Variants in NYAP2 observed in about 807,000 individuals in gnomAD.
NYAP2 encodes neuronal tyrosine-phosphorylated phosphoinositide-3-kinase adaptor 2.
A neutral mutation model predicts 50.4 loss-of-function variants in NYAP2; 23 were observed. That is an observed-to-expected ratio of 0.46 (90% CI 0.33 to 0.65). The LOEUF is 0.65. Among genes scored for constraint, NYAP2 ranks in the 30% least tolerant of loss-of-function variants. The pLI is 0.02. For synonymous variants in NYAP2, 394 were observed against 365.2 expected, an observed-to-expected ratio of 1.08 and a Z score of -0.90; for missense variants, 885 against 861.0, an observed-to-expected ratio of 1.03 and a Z score of -0.35.
rs768702646 is a variant in NYAP2 at position 225,642,431 on chromosome 2, A to C, written c.1829-9001A>C. Among the ~76,000 whole-genome samples the C allele has an allele frequency of 2.0e-5, 3 of 152,186 alleles. No homozygotes were observed. In the East Asian group the frequency reaches 5.8e-4, roughly 29 times the overall value. On this transcript the variant is annotated intron_variant, in intron 6 of 6. Coordinates refer to ENST00000636099, the Ensembl canonical transcript of NYAP2. ...TTTAATTCTTACAGAAATCCTGTGA[A>C]CTAGGTACCATTATTTCTCCCATTT...
rs569461210 is a variant in NYAP2 at position 225,429,681 on chromosome 2, T to C, written c.221+20580T>C. 2.6e-5 allele frequency among the ~76,000 whole-genome samples: 4 copies of C among 152,368 alleles called. No homozygotes were observed. In the South Asian group the frequency reaches 6.2e-4, roughly 24 times the overall value. On this transcript the variant is annotated intron_variant, in intron 3 of 6. Transcript: ENST00000636099. ...ATAAATTATATTTGAGGAAAAATGA[T>C]AGATATAGCACATATGTTTGCAGAA...
intron 3 of NYAP2, among the ~76,000 whole-genome samples, chr2:225,507,681 T>C (rs1252486938): frequency 6.6e-6 from 1 of 152,254 alleles, no homozygotes; most frequent in Admixed American, 6.5e-5. Flanking sequence ...GGCATGGCCT[T>C]ATAATGCAAA....
the NYAP2 span, among the ~76,000 whole-genome samples, chr2:225,669,378 T>C: frequency 6.6e-6 from 1 of 152,168 alleles, no homozygotes; most frequent in Non-Finnish European, 1.5e-5. Flanking sequence ...TAAGACACCA[T>C]TGTTTAATTC....
chr2:225,500,069 A>G (rs1690578893), intron 3 of NYAP2, among the ~76,000 whole-genome samples: 1 of 152,232 alleles, frequency 6.6e-6, no homozygotes, highest in Non-Finnish European at 1.5e-5. Context: ...GAGTCAGCAT[A>G]CCAGAGGAAA....
At chr2:225,484,756 A>C (rs1690260954) in intron 3 of NYAP2, among the ~76,000 whole-genome samples, 1 of 152,254 alleles carries the variant, frequency 6.6e-6, no homozygotes, top group East Asian at 1.9e-4. Flanking sequence ...TGTGAATCTT[A>C]TTACTTGAAC....
intron 3 of NYAP2, among the ~76,000 whole-genome samples, chr2:225,502,326 A>T (rs1425884174): frequency 6.6e-6 from 1 of 152,228 alleles, no homozygotes; most frequent in Non-Finnish European, 1.5e-5. Context: ...TTAATAGTGT[A>T]TGAGTAGTCA....
exon 2 of NYAP2, chr2:225,400,789 G>A (rs1440251788): frequency 6.6e-6 from 1 of 152,364 alleles, no homozygotes; most frequent in African/African-American, 2.4e-5. Context: ...AAACTTTAAA[G>A]GCCATTTTAT....
intron 4 of NYAP2, among the ~76,000 whole-genome samples, chr2:225,536,463 C>T (rs1476157037): frequency 6.6e-6 from 1 of 152,208 alleles, no homozygotes; most frequent in Non-Finnish European, 1.5e-5. Context: ...AGGGAGCACA[C>T]AGAAAAGAAT....
At chr2:225,432,452 A>G (rs924163429) in intron 3 of NYAP2, among the ~76,000 whole-genome samples, 1 of 149,788 alleles carries the variant, frequency 6.7e-6, no homozygotes, top group Non-Finnish European at 1.5e-5. Flanking sequence ...ATATGTGTGT[A>G]TATCTATTAT....
At chr2:225,641,459 ACACACAC>A (rs1693531701) in intron 6 of NYAP2, among the ~76,000 whole-genome samples, 1 of 146,496 alleles carries the variant, frequency 6.8e-6, no homozygotes, top group Non-Finnish European at 1.5e-5. Flanking sequence ...ACACACACAC[ACACACAC>A]ACAAACACAC....
intron 2 of NYAP2, among the ~76,000 whole-genome samples, chr2:225,405,252 G>C (rs985387096): frequency 6.6e-6 from 1 of 152,108 alleles, no homozygotes; most frequent in African/African-American, 2.4e-5. Context: ...TCATGCACCA[G>C]TTAATGGTCC....
chr2:225,690,834 C>G, the NYAP2 span, among the ~76,000 whole-genome samples: 1 of 152,044 alleles, frequency 6.6e-6, no homozygotes, highest in Non-Finnish European at 1.5e-5. Context: ...AATCAATACT[C>G]TTGATTTTGT....
intron 3 of NYAP2, among the ~76,000 whole-genome samples, chr2:225,494,431 T>C (rs6747620): frequency 0.21 from 32,530 of 152,106 alleles, 4,692 homozygotes; most frequent in African/African-American, 0.41. Context: ...GTCCCATTCA[T>C]TGTATAGGTC....
intron 6 of NYAP2, among the ~76,000 whole-genome samples, chr2:225,639,818 C>T (rs1315344448): frequency 2.6e-5 from 4 of 152,078 alleles, no homozygotes; most frequent in Non-Finnish European, 2.9e-5. Flanking sequence ...AGTGACAGGG[C>T]GCTTCCTTTA....
intron 4 of NYAP2, among the ~76,000 whole-genome samples, chr2:225,538,039 C>G (rs1691382646): frequency 6.6e-6 from 1 of 152,212 alleles, no homozygotes; most frequent in Non-Finnish European, 1.5e-5. Flanking sequence ...AACACTGATG[C>G]AAGAGGTGGG....
chr2:225,456,182 T>C (rs1689735938), intron 3 of NYAP2, among the ~76,000 whole-genome samples: 1 of 152,236 alleles, frequency 6.6e-6, no homozygotes, highest in African/African-American at 2.4e-5. Flanking sequence ...CTGCTCTTTT[T>C]AAAAAGCTCT....
chr2:225,445,364 A>C (rs1296839703), intron 3 of NYAP2, among the ~76,000 whole-genome samples: 1 of 152,110 alleles, frequency 6.6e-6, no homozygotes, highest in Non-Finnish European at 1.5e-5. Context: ...TTAATTTTTT[A>C]AAGAATAACA....
At chr2:225,418,965 C>A (rs899922482) in intron 3 of NYAP2, among the ~76,000 whole-genome samples, 1 of 152,166 alleles carries the variant, frequency 6.6e-6, no homozygotes, top group African/African-American at 2.4e-5. Flanking sequence ...ACTACAGGTA[C>A]AGATCTCTAG....
At chr2:225,618,362 C>CA (rs1449982365) in intron 5 of NYAP2, among the ~76,000 whole-genome samples, 1 of 152,142 alleles carries the variant, frequency 6.6e-6, no homozygotes, top group Non-Finnish European at 1.5e-5. Context: ...AGGTGCAGGC[C>CA]AACAGATCAG....
Sources: allele counts gnomAD v4.1 joint callset (sites outside exome capture counted in the v4.1 genomes callset), GRCh38; gene constraint gnomAD v4.1.1; transcripts MANE v1.5; gene names NCBI Gene and HGNC (gene_info 2026-07-23, HGNC 2026-07-21).